ZFHX3: variants seen among roughly 807,000 people sequenced by gnomAD.
The protein encoded by ZFHX3 is zinc finger homeobox protein 3.
A neutral mutation model predicts 279.1 loss-of-function variants in ZFHX3; 42 were observed. The observed-to-expected ratio is 0.15, with a 90% CI of 0.12 to 0.19. The LOEUF (loss-of-function observed/expected upper bound fraction) is 0.19. Among genes scored for constraint, ZFHX3 ranks in the 10% least tolerant of loss-of-function variants. The pLI, the probability that ZFHX3 is intolerant of heterozygous loss-of-function variation, is 1.00. For synonymous variants in ZFHX3, 2,293 were observed against 1,957.8 expected (o/e 1.17, Z -4.52); for missense variants, 4,981 against 4,754.0 (o/e 1.05, Z -1.40).
intron 5 of ZFHX3, among the ~76,000 whole-genome samples, chr16:73,147,975 C>T (rs11863839): frequency 0.4 from 60,515 of 152,016 alleles, 12,481 homozygotes; most frequent in Middle Eastern, 0.5. Flanking sequence ...CAAGAAAGTC[C>T]AGTATCTATT....
chr16:72,943,690 G>A (rs1176359598), intron 3 of ZFHX3, among the ~76,000 whole-genome samples: 1 of 152,154 alleles, frequency 6.6e-6, no homozygotes, highest in Non-Finnish European at 1.5e-5. Flanking sequence ...TGGGAGTCTG[G>A]CCGTCACTTA....
intron 3 of ZFHX3, among the ~76,000 whole-genome samples, chr16:73,415,727 G>C (rs1226656135): frequency 6.6e-6 from 1 of 152,200 alleles, no homozygotes. Context: ...CTGTTGGGCA[G>C]TTTGGTGACG....
At chr16:73,879,388 C>T (rs2030068397) in intron 1 of ZFHX3, among the ~76,000 whole-genome samples, 3 of 151,834 alleles carry the variant, frequency 2.0e-5, no homozygotes, top group African/African-American at 7.3e-5. Context: ...ATCTAAGGTC[C>T]CTTTTAAGAA....
At chr16:73,889,110 T>C (rs987159734) in intron 1 of ZFHX3, among the ~76,000 whole-genome samples, 2 of 152,116 alleles carry the variant, frequency 1.3e-5, no homozygotes, top group Non-Finnish European at 2.9e-5. Context: ...GGCAGATCAA[T>C]AGTAACAATC....
At chr16:73,179,524 TA>T (rs201545536) in intron 5 of ZFHX3, among the ~76,000 whole-genome samples, 10 of 151,538 alleles carry the variant, frequency 6.6e-5, no homozygotes, top group East Asian at 1.9e-4. Context: ...AGTGCATTAA[TA>T]AAAAAAAATA....
At chr16:72,991,063 T>C (rs1014450074) in intron 1 of ZFHX3, among the ~76,000 whole-genome samples, 1 of 129,108 alleles carries the variant, frequency 7.7e-6, no homozygotes, top group Non-Finnish European at 1.6e-5. Flanking sequence ...ATGTACTGTA[T>C]AGCATTAGGA....
At chr16:73,874,914 T>C (rs920955897) in intron 1 of ZFHX3, among the ~76,000 whole-genome samples, 1 of 152,218 alleles carries the variant, frequency 6.6e-6, no homozygotes, top group Non-Finnish European at 1.5e-5. Context: ...CATATAACTC[T>C]GAACATATCC....
Position 73,055,627 on chromosome 16 carries a change from T to C in ZFHX3, c.-24+2903A>G, listed in dbSNP as rs575342926. Among the ~76,000 whole-genome samples, 48 of 151,906 alleles carry C rather than the reference T, an allele frequency of 3.2e-4. 1 individual carries two copies. Among genetic ancestry groups the C allele is most frequent in the Admixed American group, 2.2e-3 (33 of 15,278 alleles). ...ATTTAATAGGGGTGGGGGAAGTAAG[T>C]GCATATGCATCCAGACTCCCCCAGT... On this transcript the variant is annotated intron_variant, in intron 1 of 8. Transcript: ENST00000397992.
chr16:72,909,365 A>C (rs2039262062), intron 3 of ZFHX3, among the ~76,000 whole-genome samples: 1 of 152,192 alleles, frequency 6.6e-6, no homozygotes, highest in South Asian at 2.1e-4. Context: ...GTGTTCCAAT[A>C]AAACTTTATT....
chr16:73,488,691 G>A (rs140087217), intron 2 of ZFHX3, among the ~76,000 whole-genome samples: 1 of 152,264 alleles, frequency 6.6e-6, no homozygotes, highest in African/African-American at 2.4e-5. Flanking sequence ...TAAAACTGTA[G>A]GACAAGATGT....
intron 3 of ZFHX3, among the ~76,000 whole-genome samples, chr16:73,443,816 G>A (rs978281141): frequency 2.2e-4 from 33 of 151,992 alleles, no homozygotes; most frequent in African/African-American, 7.2e-4. Context: ...GTGCAGTGGC[G>A]TGATCACAAC....
chr16:72,890,044 A>G (rs2038731326), intron 3 of ZFHX3, 82 bp from the exon 4 acceptor site: 2 of 1,291,178 alleles, frequency 1.5e-6, no homozygotes, highest in Non-Finnish European at 2.1e-6. Flanking sequence ...CATCCTGGTC[A>G]CAGCCAGAGG....
chr16:73,127,044 G>T (rs892778112), intron 7 of ZFHX3: 10 of 232,876 alleles, frequency 4.3e-5, no homozygotes, highest in Non-Finnish European at 1.7e-5. Flanking sequence ...CGTGGATCTT[G>T]ACTCTCCAAT....
At chr16:73,839,642 A>G (rs1197367408) in intron 1 of ZFHX3, among the ~76,000 whole-genome samples, 2 of 152,236 alleles carry the variant, frequency 1.3e-5, no homozygotes, top group African/African-American at 4.8e-5. Flanking sequence ...GTCCATCATG[A>G]TAAATTTACA....
At chr16:73,373,374 G>A (rs537937368) in intron 3 of ZFHX3, among the ~76,000 whole-genome samples, 5 of 152,268 alleles carry the variant, frequency 3.3e-5, no homozygotes, top group East Asian at 1.9e-4. Flanking sequence ...TAGGAGCCAC[G>A]AGCATGCAGT....
At chr16:73,668,317 T>A (rs76118747) in intron 2 of ZFHX3, among the ~76,000 whole-genome samples, 59 of 152,252 alleles carry the variant, frequency 3.9e-4, no homozygotes, top group African/African-American at 9.6e-4. Flanking sequence ...TTTTTTTTTT[T>A]AATTATACTT....
chr16:73,010,442 G>A (rs1188082049), intron 1 of ZFHX3, among the ~76,000 whole-genome samples: 1 of 152,222 alleles, frequency 6.6e-6, no homozygotes, highest in African/African-American at 2.4e-5. Context: ...GGGGAAAGTG[G>A]GCCAGCTGCA....
chr16:73,680,260 A>C (rs2052996780), intron 1 of ZFHX3: 1 of 152,130 alleles, frequency 6.6e-6, no homozygotes, highest in Non-Finnish European at 1.5e-5. Flanking sequence ...TGAAAAAAAA[A>C]AGTTTAAGGA....
chr16:73,438,347 G>A (rs1042915064), intron 3 of ZFHX3, among the ~76,000 whole-genome samples: 5 of 152,192 alleles, frequency 3.3e-5, no homozygotes, highest in African/African-American at 9.7e-5. Context: ...GGTGGATGCT[G>A]ATAATGCAGT....
Sources: allele counts gnomAD v4.1 joint callset (sites outside exome capture counted in the v4.1 genomes callset), GRCh38; gene constraint gnomAD v4.1.1; transcripts MANE v1.5; gene names NCBI Gene and HGNC (gene_info 2026-07-23, HGNC 2026-07-21).